ATP2C1: variants seen among roughly 807,000 people sequenced by gnomAD.
The protein encoded by ATP2C1 is ATPase secretory pathway Ca2+ transporting 1.
ATP2C1 carries 31 observed loss-of-function variants against 120.5 expected under a neutral mutation model. That is an observed-to-expected ratio of 0.26 (90% CI 0.19 to 0.35). The LOEUF is 0.35. Among genes scored for constraint, ATP2C1 ranks in the 10% least tolerant of loss-of-function variants. The pLI is 1.00. For missense variants in ATP2C1, 731 were observed against 1,107.5 expected (o/e 0.66, Z 4.83); for synonymous variants, 351 against 358.7 (o/e 0.98, Z 0.24).
intron 17 of ATP2C1, 71 bp from the exon 18 acceptor site, chr3:130,975,251 GAATGCCACTT>G: frequency 7.3e-7 from 1 of 1,367,918 alleles, no homozygotes; most frequent in South Asian, 1.2e-5. Context: ...TATGAGAAAT[GAATGCCACTT>G]AATTTTGGAC....
In ATP2C1 at chr3:130,894,241, C is replaced by G. The variant is rs868581280; in HGVS notation, c.-277C>G. 4 of 985,436 alleles carry G rather than the reference C, an allele frequency of 4.1e-6. No individual in the cohort carries two copies. The highest frequency in any genetic ancestry group is 5.2e-4 in the Middle Eastern group (1 of 1,934). The allele number at this position is 985,436 out of a possible 1,614,324, so 61.0% of individuals were successfully genotyped here. The stretch of plus-strand genomic sequence containing the variant: ...AGGCTCCCGCCTCGCACCGCTGCCC[C>G]GCGAGCAGCTCCTCTTCTCCCGAGG... On this transcript the variant is annotated 5_prime_UTR_variant, in exon 1 of 28. Transcript: ENST00000510168. The surrounding 1 kb of genome is among the most constrained non-coding windows in gnomAD (Gnocchi z 4.5).
intron 1 of ATP2C1, among the ~76,000 whole-genome samples, chr3:130,852,656 T>A (rs1262332310): frequency 4.2e-4 from 64 of 152,332 alleles, no homozygotes; most frequent in Non-Finnish European, 8.8e-5. Flanking sequence ...GCAGACCTAA[T>A]GTCTCACAGA....
Position 130,953,898 on chromosome 3 carries a change from A to G in ATP2C1, c.609A>G (p.Pro203=), listed in dbSNP as rs754693604. 8.1e-6 allele frequency: 13 copies of G among 1,614,096 alleles called. No individual in the cohort carries two copies. In the South Asian group the frequency reaches 1.4e-4, roughly 18 times the overall value. ...TPCSKVTAPQ[P]AATNGDLASR... ...GTTCTAAGGTGACAGCTCCTCAGCC[A>G]GCTGCAACTAATGGAGATCTTGCAT... The change falls in exon 9 of 28, where the codon CCA becomes CCG. Residue 203 remains proline, a synonymous_variant. Coordinates refer to ENST00000510168, the MANE Select transcript of ATP2C1 (RefSeq NM_001378687.1).
intron 2 of ATP2C1, among the ~76,000 whole-genome samples, chr3:130,912,299 A>G (rs1186838788): frequency 6.7e-6 from 1 of 148,782 alleles, no homozygotes; most frequent in Non-Finnish European, 1.5e-5. Context: ...AGAAACTACC[A>G]TCAGAGTGAA....
intron 2 of ATP2C1, chr3:130,918,176 G>A: frequency 3.8e-6 from 4 of 1,056,226 alleles, no homozygotes; most frequent in Non-Finnish European, 5.9e-6. Flanking sequence ...CCTAGATTAT[G>A]AAGAGATTCT....
At position 130,930,492 on chromosome 3, in the gene ATP2C1, A is replaced by C; in HGVS notation, c.83A>C (p.Glu28Ala). Reference sequence around the variant, plus strand: ...GTATTGACATCAAAAAAAGCAAGTGAATTACCAGTCAGTGAAGTTGCAAGC... The same window carrying C: ...GTATTGACATCAAAAAAAGCAAGTGCATTACCAGTCAGTGAAGTTGCAAGC... The part of the protein sequence containing the change: ...IPVLTSKKAS[E>A]LPVSEVASIL... The change falls in exon 3 of 28, where the codon GAA (glutamate) becomes GCA (alanine). Residue 28 changes from glutamate to alanine, a missense_variant. Glu to Ala is a moderately radical substitution (Grantham distance 107). Around this residue, in one of 3 missense-constraint regions of ATP2C1, gnomAD observed 571 missense variants for 845.9 expected, o/e 0.67. Transcript: ENST00000510168. The C allele has an allele frequency of 6.2e-7, 1 of 1,613,000 alleles. No individual in the cohort carries two copies. Among genetic ancestry groups the C allele is most frequent in the Non-Finnish European group, 8.5e-7 (1 of 1,178,994 alleles).
chr3:130,874,301 C>T (rs2068530631), intron 1 of ATP2C1, among the ~76,000 whole-genome samples: 1 of 152,144 alleles, frequency 6.6e-6, no homozygotes, highest in African/African-American at 2.4e-5. Flanking sequence ...AAGTCAATAG[C>T]CAATTTTTAA....
At chr3:130,864,718 G>A (rs559307197) in intron 1 of ATP2C1, among the ~76,000 whole-genome samples, 22 of 152,336 alleles carry the variant, frequency 1.4e-4, no homozygotes, top group East Asian at 9.7e-4. Context: ...GTGGAAGCCC[G>A]AAGCCTTGGC....
At chr3:131,016,230 G>A in exon 27 of ATP2C1, 1 of 1,614,168 alleles carries the variant, frequency 6.2e-7, no homozygotes, top group Non-Finnish European at 8.5e-7. Flanking sequence ...ACTGACAGAA[G>A]ATGTGAGCTG....
intron 18 of ATP2C1, among the ~76,000 whole-genome samples, chr3:130,976,565 G>GA (rs2061536113): frequency 6.6e-6 from 1 of 152,074 alleles, no homozygotes; most frequent in Admixed American, 6.6e-5. Flanking sequence ...ATTTTGGATG[G>GA]AAAAAAATTT....
chr3:130,964,873 C>T (rs2060982876), intron 13 of ATP2C1, 75 bp from the exon 14 acceptor site: 5 of 1,078,134 alleles, frequency 4.6e-6, no homozygotes, highest in Non-Finnish European at 7.0e-6. Flanking sequence ...GGATTCTAGT[C>T]TTTGATTTGT....
chr3:131,001,527 G>T lies in ATP2C1; in HGVS notation c.*177G>T. Reference sequence around the variant, plus strand: ...TGCTGGCAGTCCCAAATGAAATTATGCAACTTTGATATCATATTCCTTGAT... The same window carrying T: ...TGCTGGCAGTCCCAAATGAAATTATTCAACTTTGATATCATATTCCTTGAT... On this transcript the variant is annotated 3_prime_UTR_variant, in exon 28 of 28. Coordinates refer to ENST00000510168, the MANE Select transcript of ATP2C1 (RefSeq NM_001378687.1). 1.5e-6 allele frequency: 2 copies of T among 1,307,284 alleles called. No homozygotes were observed. Among genetic ancestry groups the T allele is most frequent in the Non-Finnish European group, 2.0e-6 (2 of 1,024,544 alleles). The allele number at this position is 1,307,284 out of a possible 1,614,324, so 81.0% of individuals were successfully genotyped here. A position where few individuals can be genotyped will look rare whatever the true frequency, so the allele number is the denominator to read the frequency against.
intron 17 of ATP2C1, among the ~76,000 whole-genome samples, chr3:130,973,107 C>G (rs1197233060): frequency 6.6e-6 from 1 of 151,824 alleles, no homozygotes; most frequent in Non-Finnish European, 1.5e-5. Flanking sequence ...AGTAATTACC[C>G]CATAGTGGTA....
chr3:130,866,017 C>G (rs571042504), intron 1 of ATP2C1, among the ~76,000 whole-genome samples: 1 of 152,134 alleles, frequency 6.6e-6, no homozygotes, highest in South Asian at 2.1e-4. Flanking sequence ...CATATATATC[C>G]TATTCTTAGC....
intron 1 of ATP2C1, chr3:130,856,255 G>T (rs918616499): frequency 6.6e-6 from 1 of 152,108 alleles, no homozygotes; most frequent in Non-Finnish European, 1.5e-5. Flanking sequence ...TAACCTCAAA[G>T]TTGCACTGTT....
Position 130,941,628 on chromosome 3 carries a change from G to C in ATP2C1, c.460G>C (p.Asp154His), listed in dbSNP as rs1157077803. 1.2e-6 allele frequency: 2 copies of C among 1,613,870 alleles called. No homozygotes were observed. Among genetic ancestry groups the C allele is most frequent in the Non-Finnish European group, 8.5e-7 (1 of 1,180,010 alleles). ...AAAATTGGAGCATACACTTGCCCGA[G>C]ACTTGGTTCCAGGTGATACAGTTTG... ...EGKLEHTLAR[D>H]LVPGDTVCLS... The change falls in exon 8 of 28, where the codon GAC becomes CAC. Residue 154 changes from aspartate (D) to histidine (H), a missense_variant. Coordinates refer to ENST00000510168, the MANE Select transcript of ATP2C1 (RefSeq NM_001378687.1).
intron 26 of ATP2C1, chr3:131,014,044 T>A: frequency 2.0e-6 from 3 of 1,519,584 alleles, no homozygotes; most frequent in South Asian, 1.2e-5. Flanking sequence ...TCTAGTTTGA[T>A]GCAAACTGAG....
chr3:130,990,846 T>C (rs935752561), intron 20 of ATP2C1, among the ~76,000 whole-genome samples: 1 of 152,148 alleles, frequency 6.6e-6, no homozygotes, highest in Non-Finnish European at 1.5e-5. Flanking sequence ...GGAATTAAGG[T>C]TGGCTCCCAA....
chr3:130,903,901 A>G lies in ATP2C1; in HGVS notation c.6+9126A>G, dbSNP rs529670318. 1.7e-4 allele frequency among the ~76,000 whole-genome samples: 26 copies of G among 152,166 alleles called. 1 individual carries two copies. The highest frequency in any genetic ancestry group is 6.3e-4 in the African/African-American group (26 of 41,548). On this transcript the variant is annotated intron_variant, in intron 2 of 27. Coordinates refer to ENST00000510168, the MANE Select transcript of ATP2C1 (RefSeq NM_001378687.1). ...CTTGTACCAAATTTCTTTCAAACCTAGAATAATTTATACAAACAGATGTAT... is the reference window on the plus strand; with the variant it reads ...CTTGTACCAAATTTCTTTCAAACCTGGAATAATTTATACAAACAGATGTAT...
Sources: allele counts gnomAD v4.1 joint callset (sites outside exome capture counted in the v4.1 genomes callset), GRCh38; gene constraint gnomAD v4.1.1; regional missense constraint gnomAD v4.1.1; non-coding constraint Gnocchi (gnomAD v3.1); transcripts MANE v1.5; gene names NCBI Gene and HGNC (gene_info 2026-07-23, HGNC 2026-07-21).